Variants in ERC2 observed in about 807,000 individuals in gnomAD.
ERC2 encodes the protein ERC protein 2.
ERC2 carries 42 observed loss-of-function variants against 114.8 expected under a neutral mutation model. The observed-to-expected ratio is 0.37, with a 90% CI of 0.29 to 0.47. The LOEUF (loss-of-function observed/expected upper bound fraction) is 0.47. Ranked by LOEUF, ERC2 falls within the 20% of genes least tolerant of loss-of-function variation. The pLI is 0.99. For missense variants in ERC2, 939 were observed against 1,150.7 expected (o/e 0.82, Z 2.66); for synonymous variants, 454 against 425.5 (o/e 1.07, Z -0.82).
intron 13 of ERC2, among the ~76,000 whole-genome samples, chr3:55,903,761 C>T (rs535056988): frequency 5.9e-5 from 9 of 152,332 alleles, no homozygotes; most frequent in African/African-American, 2.2e-4. Flanking sequence ...TAACTGTGTA[C>T]GCACAGCCAG....
chr3:56,138,729 C>A (rs1334563688), intron 6 of ERC2, among the ~76,000 whole-genome samples: 1 of 152,200 alleles, frequency 6.6e-6, no homozygotes, highest in Non-Finnish European at 1.5e-5. Context: ...AACACAAAAT[C>A]AAGATTCACC....
chr3:56,083,625 A>G (rs1295042046), intron 6 of ERC2, among the ~76,000 whole-genome samples: 1 of 152,228 alleles, frequency 6.6e-6, no homozygotes, highest in Non-Finnish European at 1.5e-5. Context: ...AATGTCTTTC[A>G]TGAAAGAGAG....
chr3:56,250,685 A>G (rs2052084644), intron 3 of ERC2, among the ~76,000 whole-genome samples: 1 of 152,194 alleles, frequency 6.6e-6, no homozygotes, highest in Non-Finnish European at 1.5e-5. Context: ...CTCCCTTTCC[A>G]TCAATAAAAA....
At chr3:56,022,771 C>T (rs2073807566) in intron 7 of ERC2, among the ~76,000 whole-genome samples, 1 of 152,126 alleles carries the variant, frequency 6.6e-6, no homozygotes, top group South Asian at 2.1e-4. Context: ...CAGAATTGGA[C>T]ACCACCTTAG....
At chr3:55,604,706 T>C (rs745487773) in intron 17 of ERC2, among the ~76,000 whole-genome samples, 9 of 152,214 alleles carry the variant, frequency 5.9e-5, no homozygotes, top group Non-Finnish European at 1.3e-4. Context: ...GAAGGGAGTG[T>C]ATGATGTAAT....
chr3:56,294,930 G>A (rs59412382), intron 3 of ERC2, among the ~76,000 whole-genome samples: 12,986 of 152,182 alleles, frequency 0.085, 1,421 homozygotes, highest in African/African-American at 0.26. Context: ...AGGAAGAATA[G>A]GAGTAGAGGA....
At chr3:55,580,690 CT>C (rs1198487049) in intron 17 of ERC2, among the ~76,000 whole-genome samples, 1 of 152,132 alleles carries the variant, frequency 6.6e-6, no homozygotes, top group Non-Finnish European at 1.5e-5. Flanking sequence ...AGATGCTTAT[CT>C]TTTTCAAACC....
chr3:55,955,248 TTGTGTGTGTGTGTGTGTG>T (rs60633794), intron 12 of ERC2: 241 of 360,548 alleles, frequency 6.7e-4, no homozygotes, highest in Non-Finnish European at 9.7e-4. Flanking sequence ...GGTGGTGTGT[TTGTGTGTGTGTGTGTGTG>T]TGTGTGTGTG....
Position 55,567,650 on chromosome 3 carries a change from G to C in ERC2, c.*40-56374C>G, listed in dbSNP as rs535895938. Among the ~76,000 whole-genome samples, 3 of 152,164 alleles carry C rather than the reference G, an allele frequency of 2.0e-5. No homozygotes were observed. The South Asian group carries it at 6.2e-4, about 32-fold the overall frequency. ...AGGCTGACAGGAGGTGAGAGAGGAG[G>C]GAGAGGTGAGGATGATGCCAAGGTT... On this transcript the variant is annotated intron_variant, in intron 17 of 17. Transcript: ENST00000288221.
intron 17 of ERC2, among the ~76,000 whole-genome samples, chr3:55,639,658 C>G (rs1489172371): frequency 6.6e-6 from 1 of 152,160 alleles, no homozygotes; most frequent in Non-Finnish European, 1.5e-5. Flanking sequence ...TGTGTAAATA[C>G]CTTGGCTGAT....
At chr3:55,979,804 T>C (rs2069926739) in intron 12 of ERC2, among the ~76,000 whole-genome samples, 1 of 151,238 alleles carries the variant, frequency 6.6e-6, no homozygotes, top group Non-Finnish European at 1.5e-5. Flanking sequence ...CAATTAGCTG[T>C]GCATGGTGGT....
chr3:55,994,278 A>C (rs2071312737), intron 10 of ERC2, among the ~76,000 whole-genome samples: 1 of 152,164 alleles, frequency 6.6e-6, no homozygotes, highest in South Asian at 2.1e-4. Flanking sequence ...GTTTCTTAGG[A>C]CAGTTAAAAC....
chr3:56,111,432 C>T (rs1008459256), intron 6 of ERC2, among the ~76,000 whole-genome samples: 1 of 151,770 alleles, frequency 6.6e-6, no homozygotes, highest in African/African-American at 2.4e-5. Context: ...CTCTCTCTCA[C>T]CAGCTCCAAG....
intron 2 of ERC2, among the ~76,000 whole-genome samples, chr3:56,338,221 C>A (rs769871821): frequency 6.6e-6 from 1 of 152,164 alleles, no homozygotes; most frequent in African/African-American, 2.4e-5. Flanking sequence ...TTCCTTACTT[C>A]GTGATGGTTA....
chr3:56,060,396 G>C (rs564300163), intron 7 of ERC2, among the ~76,000 whole-genome samples: 1 of 152,160 alleles, frequency 6.6e-6, no homozygotes, highest in Non-Finnish European at 1.5e-5. Flanking sequence ...ACCCTTTAAA[G>C]GTTGTCATTA....
intron 17 of ERC2, among the ~76,000 whole-genome samples, chr3:55,591,346 T>C (rs2057870911): frequency 6.6e-6 from 1 of 152,128 alleles, no homozygotes; most frequent in African/African-American, 2.4e-5. Context: ...GACCCAGCAC[T>C]GTGACTGGGA....
chr3:56,151,584 A>G (rs2081413101), intron 4 of ERC2, among the ~76,000 whole-genome samples: 1 of 152,218 alleles, frequency 6.6e-6, no homozygotes, highest in South Asian at 2.1e-4. Flanking sequence ...GCATGAAAAT[A>G]AAAAGCAAGT....
At chr3:55,597,457 C>G (rs2058200423) in intron 17 of ERC2, among the ~76,000 whole-genome samples, 1 of 151,514 alleles carries the variant, frequency 6.6e-6, no homozygotes, top group African/African-American at 2.4e-5. Flanking sequence ...CCTTACACAT[C>G]AAGGCCAATC....
chr3:55,726,674 T>C (rs1343432502), intron 15 of ERC2, among the ~76,000 whole-genome samples: 4 of 152,248 alleles, frequency 2.6e-5, no homozygotes, highest in African/African-American at 7.2e-5. Flanking sequence ...AGAGAGGCTC[T>C]ACCTAAATAG....
Sources: gnomAD v4.1 joint callset for allele counts (sites outside exome capture counted in the v4.1 genomes callset) on GRCh38, gnomAD v4.1.1 for gene constraint, MANE v1.5 for transcripts, NCBI Gene and HGNC (gene_info 2026-07-23, HGNC 2026-07-21) for gene names.